The following DRD2 variants were observed in gnomAD, a reference collection of about 807,000 sequenced individuals.
DRD2 encodes the protein dopamine receptor D2.
In DRD2, 8 loss-of-function variants were observed where a neutral mutation model predicts 38.0. That is an observed-to-expected ratio of 0.21 (90% CI 0.12 to 0.38). DRD2 has a LOEUF of 0.38. Among genes scored for constraint, DRD2 ranks in the 10% least tolerant of loss-of-function variants. DRD2 has a pLI of 1.00. For synonymous variants in DRD2, 230 were observed against 238.6 expected, an observed-to-expected ratio of 0.96 and a Z score of 0.33; for missense variants, 403 against 607.7, an observed-to-expected ratio of 0.66 and a Z score of 3.54.
chr11:113,468,789 C>T (rs1489036613), intron 1 of DRD2, among the ~76,000 whole-genome samples: 1 of 152,176 alleles, frequency 6.6e-6, no homozygotes, highest in Non-Finnish European at 1.5e-5. Context: ...TTCAAGCAAT[C>T]TGCCCACCTC....
chr11:113,450,613 G>A (rs1951201958), intron 1 of DRD2, among the ~76,000 whole-genome samples: 1 of 152,238 alleles, frequency 6.6e-6, no homozygotes, highest in Non-Finnish European at 1.5e-5. Flanking sequence ...CAGAGAAATA[G>A]ATAGGCAGTC....
chr11:113,444,529 A>G (rs1951124736), intron 1 of DRD2, among the ~76,000 whole-genome samples: 1 of 152,180 alleles, frequency 6.6e-6, no homozygotes, highest in Admixed American at 6.5e-5. Flanking sequence ...TGGCCAGCAT[A>G]TCAGCTTTTT....
At chr11:113,424,251 A>C in intron 2 of DRD2, 116 bp downstream of exon 2, 1 of 1,196,188 alleles carries the variant, frequency 8.4e-7, no homozygotes, top group Non-Finnish European at 1.2e-6. Flanking sequence ...AGGAAAAACC[A>C]CCTGGGGAAG....
At chr11:113,451,424 T>A (rs1230241733) in intron 1 of DRD2, among the ~76,000 whole-genome samples, 3 of 152,200 alleles carry the variant, frequency 2.0e-5, no homozygotes, top group Admixed American at 2.0e-4. Context: ...AATTTAGCAA[T>A]CTTATTCCAG....
chr11:113,462,193 C>A (rs1294300052), intron 1 of DRD2, among the ~76,000 whole-genome samples: 5 of 152,156 alleles, frequency 3.3e-5, no homozygotes, highest in Non-Finnish European at 7.3e-5. Flanking sequence ...GGAAAACAGT[C>A]CTACTCTGGA....
At chr11:113,465,982 C>T (rs962566446) in intron 1 of DRD2, among the ~76,000 whole-genome samples, 4 of 152,214 alleles carry the variant, frequency 2.6e-5, no homozygotes, top group African/African-American at 9.6e-5. Context: ...GACTCATTTC[C>T]TTTGCACAAA....
chr11:113,428,702 G>A (rs1371661470), intron 1 of DRD2, among the ~76,000 whole-genome samples: 1 of 152,138 alleles, frequency 6.6e-6, no homozygotes, highest in African/African-American at 2.4e-5. Flanking sequence ...ATAGCTCACT[G>A]CAGCCTCAAC....
chr11:113,422,341 T>C lies in DRD2; in HGVS notation c.285+2026A>G, dbSNP rs903477045. On this transcript the variant is annotated intron_variant, in intron 2 of 7. Coordinates refer to ENST00000362072, the MANE Select transcript of DRD2 (RefSeq NM_000795.4). ...TATCATTCTAATCACTTTTCATACA[T>C]CAACTAATTCGATCCTCAACAATGC... Among the ~76,000 whole-genome samples the C allele has an allele frequency of 3.3e-5, 5 of 152,210 alleles. No individual in the cohort carries two copies. In the East Asian group the frequency reaches 9.6e-4, roughly 29 times the overall value.
chr11:113,444,746 T>C (rs1170082235), intron 1 of DRD2, among the ~76,000 whole-genome samples: 1 of 152,180 alleles, frequency 6.6e-6, no homozygotes, highest in Non-Finnish European at 1.5e-5. Flanking sequence ...GGGTACAACG[T>C]TGAACAAGAG....
chr11:113,465,411 G>GTTGTTTGTTTGTTTGTTTGT (rs6144513), intron 1 of DRD2, among the ~76,000 whole-genome samples: 1 of 150,506 alleles, frequency 6.6e-6, no homozygotes, highest in Non-Finnish European at 1.5e-5. Flanking sequence ...TGTTGTTGTT[G>GTTGTTTGTTTGTTTGTTTGT]TTGTTTGTTT....
At chr11:113,410,981 C>A in intron 7 of DRD2, 61 bp from the exon 8 acceptor site, 1 of 1,555,538 alleles carries the variant, frequency 6.4e-7, no homozygotes. Flanking sequence ...CTGGGAACAC[C>A]CACACCCAGT....
Position 113,412,895 on chromosome 11 carries a change from G to A in DRD2, c.811-12C>T. The stretch of plus-strand genomic sequence containing the variant: ...CGCCGGGCAGCCTCCTGCACCAGAG[G>A]CAGAGGGCTCTGGGTAAAGCCGGAC... On this transcript the variant is annotated splice_polypyrimidine_tract_variant and intron_variant, in intron 6 of 7. Transcript: ENST00000362072. 6.2e-7 allele frequency: 1 copy of A among 1,608,434 alleles called. No individual in the cohort carries two copies. The highest frequency in any genetic ancestry group is 8.5e-7 in the Non-Finnish European group (1 of 1,179,160).
At chr11:113,416,301 C>T (rs377456999) in intron 4 of DRD2, among the ~76,000 whole-genome samples, 2 of 152,198 alleles carry the variant, frequency 1.3e-5, no homozygotes, top group African/African-American at 2.4e-5. Context: ...GGAAGTTCCA[C>T]GCTGGCGGGG....
chr11:113,447,843 G>T (rs974757171), intron 1 of DRD2: 1 of 152,228 alleles, frequency 6.6e-6, no homozygotes, highest in African/African-American at 2.4e-5. Flanking sequence ...GACACACAAG[G>T]CTTCCTCCCA....
intron 1 of DRD2, among the ~76,000 whole-genome samples, chr11:113,470,553 C>T (rs1178397205): frequency 3.3e-5 from 5 of 152,202 alleles, no homozygotes; most frequent in Admixed American, 1.3e-4. Flanking sequence ...CCTCCCTGTC[C>T]CTTCAGACAG....
chr11:113,410,759 G>A lies in DRD2; in HGVS notation c.1300C>T (p.Arg434Cys). Residue 434 changes from arginine to cysteine, a missense_variant, in exon 8 of 8, where the codon CGC (arginine) becomes TGC (cysteine). This residue lies in a region of DRD2 where 67 missense variants were observed against 136.1 expected (regional missense o/e 0.49). Coordinates refer to ENST00000362072, the MANE Select transcript of DRD2 (RefSeq NM_000795.4). ...TGGAGGATCTTCAGGAAGGCCTTGC[G>A]GAACTCAATGTTGAAGGTGGTGTAG... ...IIYTTFNIEF[R>C]KAFLKILHC 2 of 1,614,230 alleles carry A rather than the reference G, an allele frequency of 1.2e-6. No homozygotes were observed. The highest frequency in any genetic ancestry group is 1.7e-6 in the Non-Finnish European group (2 of 1,180,038).
In DRD2 at chr11:113,410,312, A is replaced by G. The variant is rs1438606961; in HGVS notation, c.*415T>C. The G allele has an allele frequency of 1.6e-5, 6 of 373,152 alleles. No individual in the cohort carries two copies. The highest frequency in any genetic ancestry group is 7.5e-5 in the Admixed American group (2 of 26,520). 23.1% of individuals were successfully genotyped at this position (373,152 alleles called of 1,614,324 possible). ...GGGCCTTGCAGGGTGTGAACTGTCC[A>G]TCTCTCCCCACCGCCTGCTCCACGC... On this transcript the variant is annotated 3_prime_UTR_variant, in exon 8 of 8. Coordinates refer to ENST00000362072, the MANE Select transcript of DRD2 (RefSeq NM_000795.4).
chr11:113,420,038 G>T (rs534351048), intron 2 of DRD2, among the ~76,000 whole-genome samples: 1 of 152,176 alleles, frequency 6.6e-6, no homozygotes, highest in Middle Eastern at 3.4e-3. Context: ...GTACGTAAAG[G>T]GCTTTCCTGG....
At chr11:113,456,562 C>A (rs576425620) in intron 1 of DRD2, among the ~76,000 whole-genome samples, 3 of 152,040 alleles carry the variant, frequency 2.0e-5, no homozygotes, top group Admixed American at 6.5e-5. Flanking sequence ...AATAAAAATA[C>A]AATTTTTTTT....
Sources: gnomAD v4.1 joint callset for allele counts (sites outside exome capture counted in the v4.1 genomes callset) on GRCh38, gnomAD v4.1.1 for gene constraint, gnomAD v4.1.1 regional missense constraint, MANE v1.5 for transcripts, NCBI Gene and HGNC (gene_info 2026-07-23, HGNC 2026-07-21) for gene names.